The following CMIP variants were observed in gnomAD, a reference collection of about 807,000 sequenced individuals.
CMIP encodes C-Maf-inducing protein.
CMIP carries 13 observed loss-of-function variants against 97.3 expected under a neutral mutation model. The ratio of observed to expected loss-of-function variants is 0.13; its 90% CI spans 0.09 to 0.21. CMIP has a LOEUF of 0.21. CMIP is among the 10% of genes least tolerant of loss of function. CMIP has a pLI of 1.00. For synonymous variants in CMIP, 538 were observed against 436.3 expected (o/e 1.23, Z -2.91); for missense variants, 847 against 1,024.9 (o/e 0.83, Z 2.37).
intron 1 of CMIP, among the ~76,000 whole-genome samples, chr16:81,555,891 A>G (rs903825790): frequency 1.3e-5 from 2 of 152,188 alleles, no homozygotes; most frequent in African/African-American, 2.4e-5. Context: ...AAATGGATCC[A>G]TAATAATACC....
At chr16:81,611,143 G>T (rs750699702) in intron 2 of CMIP, among the ~76,000 whole-genome samples, 1 of 152,216 alleles carries the variant, frequency 6.6e-6, no homozygotes, top group South Asian at 2.1e-4. Context: ...CCTCAGTCCC[G>T]TTAGCTACAC....
In CMIP at chr16:81,540,041, G is replaced by C. The variant is rs185373238; in HGVS notation, c.301-67526G>C. Among the ~76,000 whole-genome samples, 6 of 152,308 alleles carry C rather than the reference G, an allele frequency of 3.9e-5. No homozygotes were observed. The East Asian group carries it at 1.2e-3, about 29-fold the overall frequency. On this transcript the variant is annotated intron_variant, in intron 1 of 20. Coordinates refer to ENST00000537098, the MANE Select transcript of CMIP (RefSeq NM_198390.3). ...ATGGCAGTGAACGAAGCCGAAAGTA[G>C]TTCTCTAATTTGCACAGTAATCTCA...
chr16:81,693,655 G>C (rs1906368867), intron 13 of CMIP, among the ~76,000 whole-genome samples, 168 bp downstream of exon 13: 1 of 152,204 alleles, frequency 6.6e-6, no homozygotes, highest in African/African-American at 2.4e-5. Flanking sequence ...AGCCCAGCCT[G>C]TGATGTCAGT....
intron 3 of CMIP, among the ~76,000 whole-genome samples, chr16:81,626,449 G>T (rs1429072772): frequency 8.4e-6 from 1 of 118,774 alleles, no homozygotes; most frequent in Middle Eastern, 4.5e-3. Flanking sequence ...ACTATCTTAT[G>T]AGTGTGTGTG....
At chr16:81,670,515 C>T (rs184075705) in intron 8 of CMIP, among the ~76,000 whole-genome samples, 8 of 150,974 alleles carry the variant, frequency 5.3e-5, no homozygotes, top group African/African-American at 1.5e-4. Context: ...AGAGCGTCAT[C>T]GTCGGGTGCT....
At chr16:81,452,885 G>GTTTTGT (rs1555518159) in intron 1 of CMIP, among the ~76,000 whole-genome samples, 1 of 129,242 alleles carries the variant, frequency 7.7e-6, no homozygotes, top group African/African-American at 2.9e-5. Context: ...TTTTTGTTTT[G>GTTTTGT]TTTTTTTTTT....
At chr16:81,505,991 A>G (rs2089702264) in intron 1 of CMIP, among the ~76,000 whole-genome samples, 1 of 152,246 alleles carries the variant, frequency 6.6e-6, no homozygotes, top group African/African-American at 2.4e-5. Flanking sequence ...GCAAAACTCC[A>G]TCTCAAAATA....
At chr16:81,682,152 C>T (rs562732110) in intron 10 of CMIP, among the ~76,000 whole-genome samples, 90 of 149,384 alleles carry the variant, frequency 6.0e-4, no homozygotes, top group African/African-American at 2.1e-3. Context: ...TGCAGTGATC[C>T]ACGATTGCAC....
chr16:81,494,110 T>C (rs535369893), intron 1 of CMIP, among the ~76,000 whole-genome samples: 1 of 152,322 alleles, frequency 6.6e-6, no homozygotes, highest in Admixed American at 6.5e-5. Context: ...ATGAAGAATG[T>C]TCCAGAAGCT....
chr16:81,586,229 G>A (rs1395391215), intron 1 of CMIP, among the ~76,000 whole-genome samples: 2 of 151,992 alleles, frequency 1.3e-5, no homozygotes, highest in African/African-American at 4.8e-5. Context: ...TGGGATTTTG[G>A]GCCCTATTGA....
At chr16:81,503,181 G>C (rs1321024051) in intron 1 of CMIP, among the ~76,000 whole-genome samples, 1 of 152,170 alleles carries the variant, frequency 6.6e-6, no homozygotes, top group Non-Finnish European at 1.5e-5. Context: ...TGAAAGTCTT[G>C]AATTCCAGGA....
chr16:81,660,672 G>A (rs535366494), intron 5 of CMIP, among the ~76,000 whole-genome samples: 1 of 152,254 alleles, frequency 6.6e-6, no homozygotes, highest in Admixed American at 6.5e-5. Flanking sequence ...TTGTTTTCAG[G>A]TGGTGACAAA....
chr16:81,669,074 A>C (rs1175249769), intron 7 of CMIP, among the ~76,000 whole-genome samples: 2 of 96,430 alleles, frequency 2.1e-5, no homozygotes, highest in African/African-American at 4.2e-5. Flanking sequence ...TCTCACACTC[A>C]CCTCCTTCCA....
intron 3 of CMIP, among the ~76,000 whole-genome samples, chr16:81,644,634 G>A (rs1193850879): frequency 5.3e-5 from 8 of 152,188 alleles, no homozygotes; most frequent in African/African-American, 1.2e-4. Flanking sequence ...CAGTCCTCCC[G>A]GAAGCCATGG....
intron 1 of CMIP, among the ~76,000 whole-genome samples, chr16:81,564,303 T>G (rs1468614761): frequency 6.6e-6 from 1 of 152,182 alleles, no homozygotes; most frequent in Non-Finnish European, 1.5e-5. Context: ...TAAGGTGCCT[T>G]TCTTGGAGGA....
intron 1 of CMIP, among the ~76,000 whole-genome samples, chr16:81,511,122 C>T (rs1157172608): frequency 6.6e-6 from 1 of 152,186 alleles, no homozygotes; most frequent in African/African-American, 2.4e-5. Context: ...TATGATGAGT[C>T]TTGGGGTGTA....
chr16:81,677,418 C>G (rs888908125), intron 9 of CMIP, among the ~76,000 whole-genome samples: 1 of 152,208 alleles, frequency 6.6e-6, no homozygotes, highest in Non-Finnish European at 1.5e-5. Context: ...ATCTGTGTGA[C>G]TGCACTTAGC....
At chr16:81,702,264 C>T (rs1907501166) in intron 16 of CMIP, among the ~76,000 whole-genome samples, 1 of 152,132 alleles carries the variant, frequency 6.6e-6, no homozygotes, top group Admixed American at 6.5e-5. Context: ...CCAGCTCCCT[C>T]ACCCCTTCAG....
intron 1 of CMIP, among the ~76,000 whole-genome samples, chr16:81,521,382 C>T (rs904605820): frequency 3.3e-5 from 5 of 152,058 alleles, no homozygotes; most frequent in Admixed American, 2.6e-4. Context: ...TTGCCACCCC[C>T]CCCCGAATAG....
Sources: allele counts gnomAD v4.1 joint callset (sites outside exome capture counted in the v4.1 genomes callset), GRCh38; gene constraint gnomAD v4.1.1; transcripts MANE v1.5; gene names NCBI Gene and HGNC (gene_info 2026-07-23, HGNC 2026-07-21).